The following ZDHHC15 variants were observed in gnomAD, a reference collection of about 807,000 sequenced individuals.
ZDHHC15 encodes zDHHC palmitoyltransferase 15.
ZDHHC15 carries 19 observed loss-of-function variants against 31.7 expected under a neutral mutation model. The observed-to-expected ratio is 0.60, with a 90% CI of 0.42 to 0.88. The LOEUF (loss-of-function observed/expected upper bound fraction) is 0.88, where lower values mean the gene tolerates loss of function less well. Among genes scored for constraint, ZDHHC15 ranks in the 40% least tolerant of loss-of-function variants. The probability of loss-of-function intolerance (pLI) is 0.00; values close to 1 mark genes in which losing one functional copy is unlikely to be tolerated. For synonymous variants in ZDHHC15, 103 were observed against 90.0 expected (o/e 1.14, Z -0.82); for missense variants, 209 against 251.2 (o/e 0.83, Z 1.14).
intron 3 of ZDHHC15, among the ~76,000 whole-genome samples, chrX:75,470,355 GC>G (rs1219225140): frequency 9.0e-6 from 1 of 111,194 alleles, no homozygotes; most frequent in Non-Finnish European, 1.9e-5. Context: ...TCTATTGTGG[GC>G]CCTTGTGATT....
In ZDHHC15 at chrX:75,523,015, C is replaced by T. The variant is rs797046116; in HGVS notation, c.10G>A (p.Gly4Ser). Residue 4 changes from glycine to serine, a missense_variant, in exon 1 of 12, where the codon GGC becomes AGC. By Grantham distance (56) the Gly-to-Ser change is moderately conservative (BLOSUM62 0). Transcript: ENST00000373367. The part of the protein sequence containing the change: MRR[G>S]WKMALSGGLR... ...CCCCCAGACAGAGCCATCTTCCAGCCTCGCCGCATCTTTGGCTCGAAGATC... is the reference window on the plus strand; with the variant it reads ...CCCCCAGACAGAGCCATCTTCCAGCTTCGCCGCATCTTTGGCTCGAAGATC... 3.3e-6 allele frequency: 4 copies of T among 1,208,374 alleles called. No individual in the cohort carries two copies. Among genetic ancestry groups the T allele is most frequent in the Non-Finnish European group, 4.5e-6 (4 of 893,776 alleles).
At chrX:75,437,270 G>T (rs77708692) in intron 4 of ZDHHC15, among the ~76,000 whole-genome samples, 156 of 96,944 alleles carry the variant, frequency 1.6e-3, no homozygotes, top group Non-Finnish European at 2.7e-3. Context: ...TCTTTTTTTT[G>T]TTTTTTTTTT....
chrX:75,420,605 C>G (rs752409780), intron 9 of ZDHHC15, among the ~76,000 whole-genome samples: 2 of 111,585 alleles, frequency 1.8e-5, no homozygotes, highest in Non-Finnish European at 3.8e-5. Context: ...CACATATACA[C>G]CATGGAATAC....
At chrX:75,521,023 T>G (rs1441029515) in intron 1 of ZDHHC15, among the ~76,000 whole-genome samples, 1 of 110,807 alleles carries the variant, frequency 9.0e-6, no homozygotes, top group Non-Finnish European at 1.9e-5. Context: ...AGAAGAAAAT[T>G]ACAAATGGAG....
chrX:75,488,978 C>T (rs764016596), intron 2 of ZDHHC15, among the ~76,000 whole-genome samples: 57 of 111,898 alleles, frequency 5.1e-4, no homozygotes, highest in African/African-American at 1.8e-3. Context: ...GAGGATCCTA[C>T]ACCCACAGAG....
intron 8 of ZDHHC15, among the ~76,000 whole-genome samples, chrX:75,422,351 G>A (rs1036524142): frequency 7.2e-5 from 8 of 111,731 alleles, no homozygotes; most frequent in Admixed American, 1.9e-4. Context: ...GAATCTAAGC[G>A]GCAACAACAG....
chrX:75,431,257 T>C (rs182572416), intron 5 of ZDHHC15, among the ~76,000 whole-genome samples, 194 bp downstream of exon 5: 6 of 111,926 alleles, frequency 5.4e-5, no homozygotes, highest in African/African-American at 1.9e-4. Flanking sequence ...TAAAATGTGG[T>C]CTTACTTCTC....
intron 3 of ZDHHC15, among the ~76,000 whole-genome samples, chrX:75,472,273 A>T (rs966893250): frequency 9.0e-6 from 1 of 111,622 alleles, no homozygotes; most frequent in Admixed American, 9.6e-5. Context: ...AGATGGTTCT[A>T]CACGAAATGC....
At chrX:75,415,357 C>T (rs2083537572) in intron 10 of ZDHHC15, among the ~76,000 whole-genome samples, 1 of 111,251 alleles carries the variant, frequency 9.0e-6, no homozygotes, top group South Asian at 3.8e-4. Flanking sequence ...ATTGTGGAGT[C>T]TCCTTCAATG....
At chrX:75,449,205 C>T (rs1360419338) in intron 4 of ZDHHC15, among the ~76,000 whole-genome samples, 1 of 5,345 alleles carries the variant, frequency 1.9e-4, no homozygotes, top group African/African-American at 2.3e-4. Context: ...TCTCTATACA[C>T]ACACACACAC....
chrX:75,414,804 C>T (rs1466690758), intron 10 of ZDHHC15, among the ~76,000 whole-genome samples: 2 of 105,166 alleles, frequency 1.9e-5, no homozygotes, highest in Admixed American at 2.1e-4. Flanking sequence ...CTCACTCTGT[C>T]GCCCAGGGTA....
At chrX:75,395,572 C>T (rs934503473) in intron 10 of ZDHHC15, among the ~76,000 whole-genome samples, 1 of 111,605 alleles carries the variant, frequency 9.0e-6, no homozygotes. Context: ...AAAGATATTC[C>T]ATGTTCATGA....
intron 1 of ZDHHC15, among the ~76,000 whole-genome samples, chrX:75,517,989 A>C (rs1011899872): frequency 1.8e-5 from 2 of 110,454 alleles, no homozygotes; most frequent in Non-Finnish European, 3.8e-5. Flanking sequence ...AAAAAAACAA[A>C]AAACAAACAA....
intron 10 of ZDHHC15, among the ~76,000 whole-genome samples, chrX:75,400,213 C>T (rs1461484255): frequency 3.6e-5 from 4 of 111,034 alleles, no homozygotes; most frequent in Non-Finnish European, 7.5e-5. Context: ...AAACCCAATC[C>T]AAGGAAAATA....
chrX:75,451,220 T>C (rs889177920), intron 3 of ZDHHC15, among the ~76,000 whole-genome samples: 15 of 111,872 alleles, frequency 1.3e-4, no homozygotes, highest in African/African-American at 4.9e-4. Flanking sequence ...TCAAACTCAA[T>C]TCATCTGATT....
intron 2 of ZDHHC15, among the ~76,000 whole-genome samples, chrX:75,491,418 T>C (rs1387242215): frequency 9.5e-5 from 9 of 94,541 alleles, no homozygotes; most frequent in African/African-American, 2.0e-4. Flanking sequence ...TAGGTGGGTA[T>C]TGAACAATGA....
chrX:75,421,064 A>C (rs1405894253), intron 9 of ZDHHC15, among the ~76,000 whole-genome samples: 2 of 108,894 alleles, frequency 1.8e-5, no homozygotes, highest in Non-Finnish European at 3.8e-5. Flanking sequence ...AGAAAATATA[A>C]ATAATTTCTA....
In ZDHHC15 at chrX:75,513,248, C is replaced by T. The variant is rs187720336; in HGVS notation, c.137-7401G>A. 6.7e-3 allele frequency among the ~76,000 whole-genome samples: 753 copies of T among 111,720 alleles called. 6 individuals carry two copies. The highest frequency in any genetic ancestry group is 0.016 in the African/African-American group (494 of 30,844). On this transcript the variant is annotated intron_variant, in intron 1 of 11. Coordinates refer to ENST00000373367, the MANE Select transcript of ZDHHC15 (RefSeq NM_144969.3). The stretch of plus-strand genomic sequence containing the variant: ...CGTGGGCAAGGACTTCATGTCTCTT[C>T]GGAAAATTTCTACCTTTCAAGTAGA...
chrX:75,424,823 G>A (rs1434843550), intron 7 of ZDHHC15, 39 bp from the exon 8 acceptor site: 1 of 1,144,541 alleles, frequency 8.7e-7, no homozygotes, highest in Non-Finnish European at 1.2e-6. Context: ...GATTAAAGTG[G>A]AAACGGATGG....
Sources: allele counts gnomAD v4.1 joint callset (sites outside exome capture counted in the v4.1 genomes callset), GRCh38; gene constraint gnomAD v4.1.1; transcripts MANE v1.5; gene names NCBI Gene and HGNC (gene_info 2026-07-23, HGNC 2026-07-21).